Variants in FZD3 observed in about 807,000 individuals in gnomAD.
FZD3 encodes the protein frizzled-3.
A neutral mutation model predicts 60.7 loss-of-function variants in FZD3; 30 were observed. That is an observed-to-expected ratio of 0.49 (90% CI 0.37 to 0.67). The LOEUF is 0.67. Ranked by LOEUF, FZD3 falls within the 30% of genes least tolerant of loss-of-function variation. The pLI, the probability that FZD3 is intolerant of heterozygous loss-of-function variation, is 0.00. For missense variants in FZD3, 605 were observed against 838.7 expected (o/e 0.72, Z 3.44); for synonymous variants, 246 against 275.2 (o/e 0.89, Z 1.05).
chr8:28,545,894 G>A (rs897736384), intron 5 of FZD3, among the ~76,000 whole-genome samples: 3 of 152,122 alleles, frequency 2.0e-5, no homozygotes, highest in African/African-American at 4.8e-5. Flanking sequence ...ACCGTAGACC[G>A]CATATGCGAC....
chr8:28,553,554 GT>G (rs1306110296), intron 6 of FZD3, among the ~76,000 whole-genome samples: 8 of 152,194 alleles, frequency 5.3e-5, no homozygotes, highest in African/African-American at 1.9e-4. Context: ...TAAAACTGAA[GT>G]TTTCCTTATA....
At chr8:28,557,933 A>G (rs1805542160) in intron 7 of FZD3, among the ~76,000 whole-genome samples, 2 of 152,240 alleles carry the variant, frequency 1.3e-5, no homozygotes, top group African/African-American at 4.8e-5. Flanking sequence ...GAAGAAAACC[A>G]TTTAATAAAT....
At chr8:28,520,114 G>A (rs1472343394) in intron 3 of FZD3, among the ~76,000 whole-genome samples, 1 of 151,702 alleles carries the variant, frequency 6.6e-6, no homozygotes, top group Non-Finnish European at 1.5e-5. Flanking sequence ...GGAGGCTGAG[G>A]CAGGAGAATT....
Position 28,547,511 on chromosome 8 carries a change from T to G in FZD3, c.1405-4092T>G, listed in dbSNP as rs1274987209. 3.3e-5 allele frequency among the ~76,000 whole-genome samples: 5 copies of G among 152,312 alleles called. No individual in the cohort carries two copies. The East Asian group carries it at 9.6e-4, about 29-fold the overall frequency. On this transcript the variant is annotated intron_variant, in intron 5 of 7. Coordinates refer to ENST00000240093, the MANE Select transcript of FZD3 (RefSeq NM_017412.4). ...TGAATTTACCTCTCCATCACCAATA[T>G]ATGAGAGTATTCGTCCACACATTTG...
rs1401965574 is a variant in FZD3, at chr8:28,573,714, A to AG, written c.*10703_*10704insG. The AG allele has an allele frequency of 6.6e-6, 1 of 151,910 alleles. No homozygotes were observed. The highest frequency in any genetic ancestry group is 1.5e-5 in the Non-Finnish European group (1 of 67,964). 9.4% of individuals were successfully genotyped at this position (151,910 alleles called of 1,614,324 possible). On this transcript the variant is annotated 3_prime_UTR_variant, in exon 8 of 8. Coordinates refer to ENST00000240093, the MANE Select transcript of FZD3 (RefSeq NM_017412.4). ...CTATCCATGCTTGTTAAAAAAAAAA[A>AG]AAGTCTTTCCCCATTTTACTGTTAC...
chr8:28,536,814 A>G (rs1012178694), intron 5 of FZD3, among the ~76,000 whole-genome samples: 4 of 152,254 alleles, frequency 2.6e-5, no homozygotes. Context: ...TCAGAAAAAT[A>G]CAAAAATAGC....
intron 4 of FZD3, among the ~76,000 whole-genome samples, chr8:28,521,124 T>C (rs567101395): frequency 6.6e-6 from 1 of 152,274 alleles, no homozygotes; most frequent in South Asian, 2.1e-4. Flanking sequence ...ATGAAAATAG[T>C]GCTATTTGTG....
At chr8:28,548,656 T>C (rs975482558) in intron 5 of FZD3, among the ~76,000 whole-genome samples, 1 of 152,254 alleles carries the variant, frequency 6.6e-6, no homozygotes, top group East Asian at 1.9e-4. Flanking sequence ...GTTTTAATTA[T>C]TATAGCTTAA....
At chr8:28,496,877 A>G (rs999049591) in intron 1 of FZD3, among the ~76,000 whole-genome samples, 3 of 152,190 alleles carry the variant, frequency 2.0e-5, no homozygotes, top group Non-Finnish European at 2.9e-5. Flanking sequence ...TAGTCAAAGC[A>G]TGCAAACCTT....
intron 5 of FZD3, among the ~76,000 whole-genome samples, chr8:28,543,919 G>A (rs1805235016): frequency 6.6e-6 from 1 of 152,034 alleles, no homozygotes. Flanking sequence ...TTAATTTTCA[G>A]TGGGGGAGAT....
Position 28,494,239 on chromosome 8 carries a change from C to G in FZD3, c.-495C>G, listed in dbSNP as rs1485603236. ...GAAAGCTCGCTGTCGCTGGGAGGCG[C>G]GCGCCGGCGTTCCTCGGCCGCTCCG... On this transcript the variant is annotated 5_prime_UTR_variant, in exon 1 of 8. Transcript: ENST00000240093. The G allele has an allele frequency of 6.6e-6, 1 of 151,862 alleles. No homozygotes were observed. The highest frequency in any genetic ancestry group is 1.9e-4 in the East Asian group (1 of 5,154). 9.4% of individuals were successfully genotyped at this position (151,862 alleles called of 1,614,324 possible).
intron 3 of FZD3, among the ~76,000 whole-genome samples, chr8:28,517,592 T>C (rs1804462185): frequency 6.6e-6 from 1 of 152,208 alleles, no homozygotes; most frequent in African/African-American, 2.4e-5. Context: ...GTGTTTTACA[T>C]GTTTCTTACC....
chr8:28,509,268 A>C (rs554448954), intron 3 of FZD3, among the ~76,000 whole-genome samples: 6 of 151,876 alleles, frequency 4.0e-5, no homozygotes, highest in African/African-American at 1.4e-4. Context: ...CTTCCACCTA[A>C]AGGCAGTCAT....
rs1218850540 is a variant in FZD3 at position 28,555,926 on chromosome 8, A to G, written c.1742A>G (p.Lys581Arg). 6.2e-7 allele frequency: 1 copy of G among 1,613,940 alleles called. No individual in the cohort carries two copies. The highest frequency in any genetic ancestry group is 8.5e-7 in the Non-Finnish European group (1 of 1,179,934). The change falls in exon 7 of 8, where the codon AAA becomes AGA. Residue 581 changes from lysine to arginine, a missense_variant. Physicochemically the swap from Lys to Arg is conservative, Grantham distance 26. Transcript: ENST00000240093. Reference protein sequence around the residue: ...QRSKAGSIHSKVSSYHGSLHR... With the variant: ...QRSKAGSIHSRVSSYHGSLHR... ...AGCAAAGCAGGAAGCATCCACAGCAAAGTGAGCAGCTACCACGGCAGCCTC... is the reference window on the plus strand; with the variant it reads ...AGCAAAGCAGGAAGCATCCACAGCAGAGTGAGCAGCTACCACGGCAGCCTC...
chr8:28,494,811 GCGGA>G (rs1472160725), intron 1 of FZD3, among the ~76,000 whole-genome samples: 2 of 152,104 alleles, frequency 1.3e-5, no homozygotes, highest in Non-Finnish European at 2.9e-5. Context: ...GGGGCCGTAG[GCGGA>G]AGACAATGCT....
chr8:28,496,546 A>G (rs1274118942), intron 1 of FZD3, among the ~76,000 whole-genome samples: 1 of 152,184 alleles, frequency 6.6e-6, no homozygotes, highest in Non-Finnish European at 1.5e-5. Flanking sequence ...TATGTACTGG[A>G]TAAATTATTC....
intron 4 of FZD3, among the ~76,000 whole-genome samples, chr8:28,523,016 C>T (rs554815994): frequency 2.4e-4 from 36 of 152,176 alleles, no homozygotes; most frequent in African/African-American, 8.4e-4. Flanking sequence ...GTGGTCCGCC[C>T]GCCTCAGCCT....
chr8:28,527,170 ATCC>A lies in FZD3; in HGVS notation c.413_415del (p.Pro138del). On this transcript the variant is annotated inframe_deletion, in exon 5 of 8. Transcript: ENST00000240093. This position sits in a 1 kb window ranked among gnomAD's most constrained non-coding sequence, Gnocchi z 5.0. ...AGGTTCCCAGATTGTGATGAGCCAT[ATCC>A]TCGACTTGTGGATCTGAATTTAGCT... is the stretch of plus-strand genomic sequence containing the variant. The A allele has an allele frequency of 6.2e-7, 1 of 1,612,658 alleles. No individual in the cohort carries two copies. Among genetic ancestry groups the A allele is most frequent in the Non-Finnish European group, 8.5e-7 (1 of 1,179,530 alleles).
At chr8:28,506,011 G>A (rs1804131099) in intron 3 of FZD3, among the ~76,000 whole-genome samples, 1 of 152,176 alleles carries the variant, frequency 6.6e-6, no homozygotes, top group Non-Finnish European at 1.5e-5. Context: ...TTTCCCCTGT[G>A]TATGAGTAGC....
Sources: allele counts gnomAD v4.1 joint callset (sites outside exome capture counted in the v4.1 genomes callset), GRCh38; gene constraint gnomAD v4.1.1; non-coding constraint Gnocchi (gnomAD v3.1); transcripts MANE v1.5; gene names NCBI Gene and HGNC (gene_info 2026-07-23, HGNC 2026-07-21).